Variants in GCSAML observed in about 807,000 individuals in gnomAD.
The protein encoded by GCSAML is germinal center associated signaling and motility like, also known as germinal center-associated signaling and motility-like protein.
Under a neutral mutation model 13.0 loss-of-function variants are expected in GCSAML, and 9 were observed. The ratio of observed to expected loss-of-function variants is 0.69; its 90% CI spans 0.42 to 1.21. GCSAML has a LOEUF of 1.21. GCSAML is among the 50% of genes most tolerant of loss of function. The probability of loss-of-function intolerance (pLI) is 0.00; values close to 1 mark genes in which losing one functional copy is unlikely to be tolerated. For synonymous variants in GCSAML, 37 were observed against 52.9 expected (o/e 0.70, Z 1.31); for missense variants, 143 against 153.4 (o/e 0.93, Z 0.36).
chr1:247,507,189 G>C (rs1427163801), exon 1 of GCSAML: 2 of 152,142 alleles, frequency 1.3e-5, no homozygotes, highest in Non-Finnish European at 2.9e-5. Flanking sequence ...CACTCCTTGG[G>C]GGCCTTATCT....
intron 2 of GCSAML, chr1:247,529,409 T>C (rs900729585): frequency 6.6e-6 from 1 of 152,212 alleles, no homozygotes; most frequent in Non-Finnish European, 1.5e-5. Flanking sequence ...CTTTATTGAA[T>C]GATGGAATGG....
upstream of GCSAML, chr1:247,549,046 C>A (rs766097327): frequency 5.7e-6 from 9 of 1,583,486 alleles, no homozygotes; most frequent in East Asian, 1.1e-4. Context: ...CATGCGCAGG[C>A]CCCTGGCAGC....
chr1:247,546,392 T>C, upstream of GCSAML, among the ~76,000 whole-genome samples: 1 of 152,128 alleles, frequency 6.6e-6, no homozygotes, highest in East Asian at 1.9e-4. Flanking sequence ...CGAGTCTCGC[T>C]CTGTCACCCA....
At chr1:247,532,920 C>T (rs536724584) in intron 2 of GCSAML, among the ~76,000 whole-genome samples, 1 of 152,262 alleles carries the variant, frequency 6.6e-6, no homozygotes, top group South Asian at 2.1e-4. Context: ...ATGCAAAATC[C>T]TTAGCACTGC....
chr1:247,510,804 G>A (rs752803092), intron 1 of GCSAML, among the ~76,000 whole-genome samples: 2 of 152,180 alleles, frequency 1.3e-5, no homozygotes, highest in East Asian at 3.8e-4. Context: ...CAGTTTTGTG[G>A]CTTTGAGTGA....
intron 3 of GCSAML, among the ~76,000 whole-genome samples, chr1:247,565,292 A>C (rs1431108037): frequency 1.3e-4 from 19 of 151,728 alleles, no homozygotes; most frequent in Admixed American, 6.6e-5. Context: ...CAGGAGGCGG[A>C]GGTTGCAGTG....
chr1:247,572,475 G>C (rs1668653458), intron 4 of GCSAML, among the ~76,000 whole-genome samples: 1 of 152,162 alleles, frequency 6.6e-6, no homozygotes, highest in African/African-American at 2.4e-5. Context: ...CTGCAGGTCT[G>C]CTGGAGTTTG....
chr1:247,511,633 T>C (rs1666041149), intron 1 of GCSAML, among the ~76,000 whole-genome samples: 1 of 152,348 alleles, frequency 6.6e-6, no homozygotes, highest in African/African-American at 2.4e-5. Flanking sequence ...TACAATTTCA[T>C]ATGCTTTTGC....
At chr1:247,560,710 T>C (rs530325350) in intron 2 of GCSAML, among the ~76,000 whole-genome samples, 1 of 152,312 alleles carries the variant, frequency 6.6e-6, no homozygotes, top group Admixed American at 6.5e-5. Context: ...TATAAGTACA[T>C]TAACAACTTA....
chr1:247,526,195 G>C lies in GCSAML; in HGVS notation c.-262-745G>C, dbSNP rs1362728730. 2 of 152,174 alleles carry C rather than the reference G, an allele frequency of 1.3e-5. No individual in the cohort carries two copies. Among genetic ancestry groups the C allele is most frequent in the African/African-American group, 2.4e-5 (1 of 41,454 alleles). 9.4% of individuals were successfully genotyped at this position (152,174 alleles called of 1,614,324 possible). ...TTATTTGCCAAGAAATCTTGAGCCT[G>C]CTATTCCCTGGGTTAGTTTCTGAAT... On this transcript the variant is annotated intron_variant, in intron 1 of 5. Transcript: ENST00000366489. This position sits in a 1 kb window ranked among gnomAD's most constrained non-coding sequence, Gnocchi z 4.8.
At chr1:247,571,939 A>G (rs1467634918) in intron 4 of GCSAML, among the ~76,000 whole-genome samples, 1 of 151,306 alleles carries the variant, frequency 6.6e-6, no homozygotes, top group Non-Finnish European at 1.5e-5. Context: ...TTCATGCTTT[A>G]TTTCATTAAG....
chr1:247,552,250 C>T (rs900026324), intron 1 of GCSAML, among the ~76,000 whole-genome samples: 1 of 152,180 alleles, frequency 6.6e-6, no homozygotes, highest in East Asian at 1.9e-4. Flanking sequence ...AGCTGAAATT[C>T]ATCAGGAACA....
At chr1:247,531,847 A>T in intron 2 of GCSAML, 2 of 1,614,208 alleles carry the variant, frequency 1.2e-6, no homozygotes, top group Non-Finnish European at 1.7e-6. Flanking sequence ...GGCCCGGGCA[A>T]TGTGGCCGTA....
chr1:247,546,633 T>C (rs1667590560), upstream of GCSAML, among the ~76,000 whole-genome samples: 1 of 151,828 alleles, frequency 6.6e-6, no homozygotes, highest in African/African-American at 2.4e-5. Context: ...AGTGCTGGGA[T>C]GACAGGTGTG....
At chr1:247,509,776 T>C (rs149719138) in intron 1 of GCSAML, among the ~76,000 whole-genome samples, 6,027 of 152,294 alleles carry the variant, frequency 0.04, 402 homozygotes, top group African/African-American at 0.14. Flanking sequence ...GTTTTTGTCA[T>C]TGGTTTTGTT....
intron 4 of GCSAML, among the ~76,000 whole-genome samples, chr1:247,573,776 G>T (rs1322261369): frequency 6.6e-6 from 1 of 152,096 alleles, no homozygotes; most frequent in Non-Finnish European, 1.5e-5. Flanking sequence ...AAATTACTTT[G>T]GGCAGTATTT....
At position 247,526,845 on chromosome 1, in the gene GCSAML, C is replaced by CA. The variant is rs1473708496; in HGVS notation, c.-262-94dup. The CA allele has an allele frequency of 1.0e-5, 4 of 396,990 alleles. No homozygotes were observed. The highest frequency in any genetic ancestry group is 1.5e-5 in the Non-Finnish European group (3 of 201,304). 24.6% of individuals were successfully genotyped at this position (396,990 alleles called of 1,614,324 possible). On this transcript the variant is annotated intron_variant, in intron 1 of 5. Coordinates refer to the GCSAML transcript ENST00000366489. The surrounding 1 kb of genome is among the most constrained non-coding windows in gnomAD (Gnocchi z 4.8). ...GAAAGACAAGTGGTGTCCAATATGGCATGTTAGCATTTTCCTCTTCATTTA... is the reference window on the plus strand; with the variant it reads ...GAAAGACAAGTGGTGTCCAATATGGCAATGTTAGCATTTTCCTCTTCATTTA...
rs571385436 is a variant in GCSAML at position 247,566,758 on chromosome 1, T to C, written c.168+799T>C. On this transcript the variant is annotated intron_variant, in intron 4 of 4. Transcript: ENST00000366488. ...TCCTTTTGATACTACCTCATAAAAA[T>C]TTTGTTGATTTAATTAGTATATATT... Among the ~76,000 whole-genome samples the C allele has an allele frequency of 2.4e-3, 368 of 152,276 alleles. 3 individuals carry two copies. The highest frequency in any genetic ancestry group is 8.7e-3 in the African/African-American group (360 of 41,578).
At chr1:247,548,609 CGTT>C (rs532237426), upstream of GCSAML, among the ~76,000 whole-genome samples, 126 of 152,074 alleles carry the variant, frequency 8.3e-4, no homozygotes, top group African/African-American at 3.0e-3. The surrounding 1 kb of genome is among the most constrained non-coding windows in gnomAD (Gnocchi z 5.3). Flanking sequence ...TTATTTCTAA[CGTT>C]GTTTTTTTCT....
Sources: gnomAD v4.1 joint callset for allele counts (sites outside exome capture counted in the v4.1 genomes callset) on GRCh38, gnomAD v4.1.1 for gene constraint, Gnocchi (gnomAD v3.1) non-coding constraint, MANE v1.5 for transcripts, NCBI Gene and HGNC (gene_info 2026-07-23, HGNC 2026-07-21) for gene names.